Variants in WDR70 observed in about 807,000 individuals in gnomAD.
WDR70 encodes WD repeat-containing protein 70.
A neutral mutation model predicts 88.6 loss-of-function variants in WDR70; 53 were observed. The ratio of observed to expected loss-of-function variants is 0.60; its 90% CI spans 0.48 to 0.75. The LOEUF (loss-of-function observed/expected upper bound fraction) is 0.75, where lower values mean the gene tolerates loss of function less well. WDR70 is among the 30% of genes least tolerant of loss of function. WDR70 has a pLI of 0.00. For synonymous variants in WDR70, 280 were observed against 270.0 expected (o/e 1.04, Z -0.36); for missense variants, 610 against 823.2 (o/e 0.74, Z 3.17).
At chr5:37,524,388 T>C (rs1437806603) in intron 9 of WDR70, among the ~76,000 whole-genome samples, 2 of 152,116 alleles carry the variant, frequency 1.3e-5, no homozygotes, top group African/African-American at 2.4e-5. Flanking sequence ...CTAAGCTTCA[T>C]AAGTGAAGGA....
chr5:37,573,956 C>T (rs1433823364), intron 9 of WDR70, among the ~76,000 whole-genome samples: 1 of 152,044 alleles, frequency 6.6e-6, no homozygotes, highest in Admixed American at 6.6e-5. Context: ...TCCCAGGCTG[C>T]AAGAGCTGAG....
At chr5:37,687,550 A>G (rs1041973215) in intron 10 of WDR70, among the ~76,000 whole-genome samples, 1 of 152,178 alleles carries the variant, frequency 6.6e-6, no homozygotes, top group Admixed American at 6.5e-5. Flanking sequence ...AAAAGTTTCA[A>G]AACATTACAC....
intron 5 of WDR70, among the ~76,000 whole-genome samples, chr5:37,397,873 G>C (rs1414582281): frequency 6.6e-6 from 1 of 151,652 alleles, no homozygotes; most frequent in African/African-American, 2.4e-5. Flanking sequence ...GCGCACGCCT[G>C]TAGTCGCAGC....
intron 10 of WDR70, among the ~76,000 whole-genome samples, chr5:37,669,427 T>A (rs1745958909): frequency 6.6e-6 from 1 of 152,004 alleles, no homozygotes; most frequent in African/African-American, 2.4e-5. Flanking sequence ...TTTGTTTTCT[T>A]TAGAGTCAGG....
chr5:37,468,443 T>C (rs1175839682), intron 7 of WDR70, among the ~76,000 whole-genome samples: 1 of 152,216 alleles, frequency 6.6e-6, no homozygotes, highest in East Asian at 1.9e-4. Flanking sequence ...AAAAATTTTA[T>C]TTATTTTTTC....
chr5:37,498,353 T>G lies in WDR70; in HGVS notation c.841-18161T>G, dbSNP rs575955554. Among the ~76,000 whole-genome samples, 3 of 152,292 alleles carry G rather than the reference T, an allele frequency of 2.0e-5. No homozygotes were observed. In the South Asian group the frequency reaches 6.2e-4, roughly 32 times the overall value. ...TTCTTCTTACCTCACTGTATGTTCC[T>G]TTTCACTCTTGTTTTTTCACTCCTC... On this transcript the variant is annotated intron_variant, in intron 8 of 17. Transcript: ENST00000265107.
intron 9 of WDR70, among the ~76,000 whole-genome samples, chr5:37,568,573 A>G (rs760259633): frequency 9.2e-5 from 14 of 152,188 alleles, no homozygotes; most frequent in Admixed American, 6.5e-5. Flanking sequence ...TGTTCTGATC[A>G]TGGCATGTTT....
intron 10 of WDR70, among the ~76,000 whole-genome samples, chr5:37,614,255 C>T (rs949759226): frequency 9.2e-5 from 14 of 152,114 alleles, no homozygotes; most frequent in African/African-American, 2.4e-4. Flanking sequence ...AGGCCAGCAA[C>T]GTTGTTGAGT....
intron 9 of WDR70, among the ~76,000 whole-genome samples, chr5:37,584,826 T>C (rs13180458): frequency 6.6e-6 from 1 of 151,800 alleles, no homozygotes; most frequent in East Asian, 1.9e-4. Context: ...ATTTGTTCTA[T>C]CCACTTGGTC....
intron 5 of WDR70, among the ~76,000 whole-genome samples, chr5:37,428,038 C>T (rs1561848442): frequency 6.8e-6 from 1 of 148,040 alleles, no homozygotes. Flanking sequence ...TGTCTGGAAA[C>T]CACAGCAGCC....
At chr5:37,402,003 A>T (rs901259754) in intron 5 of WDR70, among the ~76,000 whole-genome samples, 2 of 152,216 alleles carry the variant, frequency 1.3e-5, no homozygotes. Flanking sequence ...GTTACTTTAC[A>T]ATGCTATAGA....
chr5:37,652,258 G>A (rs1745430193), intron 10 of WDR70, among the ~76,000 whole-genome samples: 2 of 152,158 alleles, frequency 1.3e-5, no homozygotes, highest in African/African-American at 4.8e-5. Context: ...TAGATGTGTG[G>A]CATTATCTCT....
At chr5:37,721,474 G>T in intron 14 of WDR70, 4 of 498,046 alleles carry the variant, frequency 8.0e-6, no homozygotes, top group Non-Finnish European at 1.5e-5. Flanking sequence ...TGAGTGCAAG[G>T]GGGAAAAACG....
At chr5:37,720,231 T>G (rs1338749606) in intron 13 of WDR70, among the ~76,000 whole-genome samples, 1 of 152,204 alleles carries the variant, frequency 6.6e-6, no homozygotes, top group Non-Finnish European at 1.5e-5. Context: ...AGTGATAGAT[T>G]ATTAATAAAC....
chr5:37,641,700 A>C (rs1745108172), intron 10 of WDR70, among the ~76,000 whole-genome samples: 1 of 152,116 alleles, frequency 6.6e-6, no homozygotes, highest in Non-Finnish European at 1.5e-5. Context: ...TACAAGCATG[A>C]GTCACCGCAC....
chr5:37,662,489 G>A (rs998198579), intron 10 of WDR70, among the ~76,000 whole-genome samples: 1 of 152,130 alleles, frequency 6.6e-6, no homozygotes, highest in South Asian at 2.1e-4. Context: ...GCATCCCTGT[G>A]CTTGTATTTA....
intron 10 of WDR70, among the ~76,000 whole-genome samples, chr5:37,678,590 C>T (rs1346441191): frequency 3.3e-5 from 5 of 152,328 alleles, no homozygotes; most frequent in East Asian, 1.9e-4. Context: ...AGAGTTTCTG[C>T]CGAGAGATCC....
At chr5:37,665,491 A>C (rs1426332804) in intron 10 of WDR70, among the ~76,000 whole-genome samples, 3 of 152,230 alleles carry the variant, frequency 2.0e-5, no homozygotes, top group Non-Finnish European at 2.9e-5. Flanking sequence ...GAAACAGATA[A>C]GTTGTTTCAG....
At chr5:37,564,487 G>C (rs1229971057) in intron 9 of WDR70, among the ~76,000 whole-genome samples, 1 of 152,194 alleles carries the variant, frequency 6.6e-6, no homozygotes, top group Non-Finnish European at 1.5e-5. Context: ...GTACAGTCCA[G>C]CTTTGGGTCG....
Sources: allele counts gnomAD v4.1 joint callset (sites outside exome capture counted in the v4.1 genomes callset), GRCh38; gene constraint gnomAD v4.1.1; transcripts MANE v1.5; gene names NCBI Gene and HGNC (gene_info 2026-07-23, HGNC 2026-07-21).